Variants in SLC9A2 observed in about 807,000 individuals in gnomAD.
SLC9A2 encodes the protein solute carrier family 9 member A2, also known as sodium/hydrogen exchanger 2.
In SLC9A2, 42 loss-of-function variants were observed where a neutral mutation model predicts 71.7. The ratio of observed to expected loss-of-function variants is 0.59; its 90% confidence interval spans 0.46 to 0.76. The LOEUF (loss-of-function observed/expected upper bound fraction) is 0.76, where lower values mean the gene tolerates loss of function less well. Among genes scored for constraint, SLC9A2 ranks in the 30% least tolerant of loss-of-function variants. The probability of loss-of-function intolerance (pLI) is 0.00; values close to 1 mark genes in which losing one functional copy is unlikely to be tolerated. For missense variants in SLC9A2, 829 were observed against 1,017.4 expected (o/e 0.81, Z 2.52); for synonymous variants, 396 against 392.5 (o/e 1.01, Z -0.10).
rs574485944 is a variant in SLC9A2 at position 102,664,559 on chromosome 2, G to A, written c.754-541G>A. ...TTACACCAGACATGTATGTGTGGGC[G>A]GGGAGAGGAGGTGGAGTGTGGAGTG... is the stretch of plus-strand genomic sequence containing the variant. On this transcript the variant is annotated intron_variant, in intron 2 of 11. Coordinates refer to ENST00000233969, the MANE Select transcript of SLC9A2 (RefSeq NM_003048.6). Among the ~76,000 whole-genome samples, 9 of 152,010 alleles carry A rather than the reference G, an allele frequency of 5.9e-5. No individual in the cohort carries two copies. The East Asian group carries it at 1.6e-3, about 26-fold the overall frequency.
intron 1 of SLC9A2, among the ~76,000 whole-genome samples, 159 bp downstream of exon 1, chr2:102,620,296 CT>C (rs1322269910): frequency 6.6e-6 from 1 of 152,136 alleles, no homozygotes; most frequent in Non-Finnish European, 1.5e-5. Context: ...GAAAAGGACC[CT>C]TGGAAGAGCA....
chr2:102,644,255 G>A (rs1320763842), intron 1 of SLC9A2, among the ~76,000 whole-genome samples: 1 of 152,038 alleles, frequency 6.6e-6, no homozygotes. Flanking sequence ...CCTAGCCAAA[G>A]GACGCTGTGA....
At chr2:102,700,121 G>A (rs1677845675) in intron 7 of SLC9A2, among the ~76,000 whole-genome samples, 1 of 152,128 alleles carries the variant, frequency 6.6e-6, no homozygotes, top group African/African-American at 2.4e-5. Flanking sequence ...TTGACCTGGT[G>A]GAGTCATCGT....
Position 102,657,629 on chromosome 2 carries a change from C to T in SLC9A2, c.355C>T (p.Leu119Phe). 1 of 1,614,140 alleles carries T rather than the reference C, an allele frequency of 6.2e-7. No homozygotes were observed. Among genetic ancestry groups the T allele is most frequent in the Non-Finnish European group, 8.5e-7 (1 of 1,179,992 alleles). The change falls in exon 2 of 12, where the codon CTT (leucine) becomes TTT (phenylalanine). Residue 119 changes from leucine (L) to phenylalanine (F), a missense_variant. Leu to Phe is a conservative substitution (Grantham distance 22). Around this residue, in one of 3 missense-constraint regions of SLC9A2, gnomAD observed 500 missense variants for 726.3 expected, o/e 0.69. Coordinates refer to ENST00000233969, the MANE Select transcript of SLC9A2 (RefSeq NM_003048.6). ...GAGCTGCCTTCTTATAATGGTTGGA[C>T]TTCTACTAGGTGGGATTATTTTTGG... The part of the protein sequence containing the change: ...PESCLLIMVG[L>F]LLGGIIFGVD...
chr2:102,668,578 A>G (rs1677187678), intron 3 of SLC9A2, among the ~76,000 whole-genome samples: 1 of 152,172 alleles, frequency 6.6e-6, no homozygotes, highest in Non-Finnish European at 1.5e-5. Context: ...TTATAAACCA[A>G]TTTTAAGGTT....
chr2:102,668,217 G>GA (rs1204899201), intron 3 of SLC9A2, among the ~76,000 whole-genome samples: 2 of 152,246 alleles, frequency 1.3e-5, no homozygotes, highest in Middle Eastern at 3.4e-3. Context: ...ATTCTGTCAT[G>GA]AAAAATGCAG....
chr2:102,636,763 TAGTGTACC>T (rs1676476235), intron 1 of SLC9A2, among the ~76,000 whole-genome samples: 1 of 152,204 alleles, frequency 6.6e-6, no homozygotes, highest in South Asian at 2.1e-4. Flanking sequence ...CTCTAGGTTA[TAGTGTACC>T]AGAGTCTTTA....
chr2:102,696,327 G>A (rs981789939), intron 7 of SLC9A2, among the ~76,000 whole-genome samples: 1 of 152,136 alleles, frequency 6.6e-6, no homozygotes, highest in African/African-American at 2.4e-5. Context: ...AGAAGAACAC[G>A]TTTTAAACTA....
chr2:102,619,769 G>C lies in SLC9A2; in HGVS notation c.-80G>C. On this transcript the variant is annotated 5_prime_UTR_variant, in exon 1 of 12. Transcript: ENST00000233969. The surrounding 1 kb of genome is among the most constrained non-coding windows in gnomAD (Gnocchi z 4.3). ...TGCCCTGCACGGGGCAGGGCGGAGCGGGCTGAGCAGCCCGGGCGCGATGCG... is the reference window on the plus strand; with the variant it reads ...TGCCCTGCACGGGGCAGGGCGGAGCCGGCTGAGCAGCCCGGGCGCGATGCG... 7.6e-7 allele frequency: 1 copy of C among 1,322,774 alleles called. No homozygotes were observed. Among genetic ancestry groups the C allele is most frequent in the Non-Finnish European group, 1.0e-6 (1 of 1,002,088 alleles). 81.9% of individuals were successfully genotyped at this position (1,322,774 alleles called of 1,614,324 possible). A position where few individuals can be genotyped will look rare whatever the true frequency, so the allele number is the denominator to read the frequency against.
At chr2:102,643,858 A>G (rs1041453188) in intron 1 of SLC9A2, among the ~76,000 whole-genome samples, 3 of 151,408 alleles carry the variant, frequency 2.0e-5, no homozygotes, top group African/African-American at 7.3e-5. Flanking sequence ...CCCACTAATG[A>G]TCAGCATGGG....
intron 1 of SLC9A2, among the ~76,000 whole-genome samples, chr2:102,644,887 AC>A (rs2104510655): frequency 6.6e-6 from 1 of 152,268 alleles, no homozygotes; most frequent in South Asian, 2.1e-4. Flanking sequence ...GCAGACTTAA[AC>A]CTTCCTGCCT....
At chr2:102,699,110 G>A (rs760924900) in intron 7 of SLC9A2, among the ~76,000 whole-genome samples, 5 of 152,212 alleles carry the variant, frequency 3.3e-5, no homozygotes, top group Non-Finnish European at 5.9e-5. Flanking sequence ...TGGGCAGCGA[G>A]ATGGGGACTG....
chr2:102,631,893 C>A (rs951592769), intron 1 of SLC9A2, among the ~76,000 whole-genome samples: 2 of 149,864 alleles, frequency 1.3e-5, no homozygotes, highest in Non-Finnish European at 3.0e-5. Flanking sequence ...GGATTAGAAG[C>A]AGGAAGACCC....
rs144691680 is a variant in SLC9A2 at position 102,691,462 on chromosome 2, T to C, written c.1426-2952T>C. On this transcript the variant is annotated intron_variant, in intron 5 of 11. Transcript: ENST00000233969. ...CAACCAGACACCCAGGCTCCTAGAA[T>C]ATAACATCCAATGTTGGGGGCTTAA... is the stretch of plus-strand genomic sequence containing the variant. Among the ~76,000 whole-genome samples the C allele has an allele frequency of 3.7e-4, 56 of 152,238 alleles. No homozygotes were observed. The East Asian group carries it at 0.01, about 27-fold the overall frequency.
chr2:102,619,965 G>C lies in SLC9A2; in HGVS notation c.117G>C (p.Ala39=), dbSNP rs545886643. ...CCCTGGCGGAGACCTTGCTGAACGC[G>C]CCGAGGGCCATGGGCACCAGTTCCA... ...VGALAETLLN[A]PRAMGTSSSP... The change falls in exon 1 of 12, where the codon GCG becomes GCC. Residue 39 remains alanine (A), a synonymous_variant. Transcript: ENST00000233969. This position sits in a 1 kb window ranked among gnomAD's most constrained non-coding sequence, Gnocchi z 4.3. 4 of 1,612,764 alleles carry C rather than the reference G, an allele frequency of 2.5e-6. No individual in the cohort carries two copies. Among genetic ancestry groups the C allele is most frequent in the Non-Finnish European group, 3.4e-6 (4 of 1,179,420 alleles).
chr2:102,677,001 A>G (rs544463110), intron 3 of SLC9A2, among the ~76,000 whole-genome samples: 54 of 152,354 alleles, frequency 3.5e-4, no homozygotes, highest in African/African-American at 1.2e-3. Flanking sequence ...AATTCTACAC[A>G]GTTCAGATTG....
intron 3 of SLC9A2, among the ~76,000 whole-genome samples, chr2:102,668,409 T>C (rs1046884035): frequency 6.6e-6 from 1 of 152,142 alleles, no homozygotes. Context: ...GTAATTATTG[T>C]ATTTACTTCA....
chr2:102,688,021 G>A (rs535902621), intron 5 of SLC9A2, among the ~76,000 whole-genome samples: 16 of 152,126 alleles, frequency 1.1e-4, no homozygotes. Flanking sequence ...CTCAAGTAAT[G>A]CACCCACCTT....
chr2:102,690,393 G>A (rs1677635383), intron 5 of SLC9A2, among the ~76,000 whole-genome samples: 1 of 152,108 alleles, frequency 6.6e-6, no homozygotes, highest in Admixed American at 6.6e-5. Flanking sequence ...GAGAGGGGAG[G>A]GGAACAGAGA....
Sources: gnomAD v4.1 joint callset for allele counts (sites outside exome capture counted in the v4.1 genomes callset) on GRCh38, gnomAD v4.1.1 for gene constraint, gnomAD v4.1.1 regional missense constraint, Gnocchi (gnomAD v3.1) non-coding constraint, MANE v1.5 for transcripts, NCBI Gene and HGNC (gene_info 2026-07-23, HGNC 2026-07-21) for gene names.